Variants in CSMD2 observed in about 807,000 individuals in gnomAD.
The protein encoded by CSMD2 is CUB and sushi domain-containing protein 2.
Under a neutral mutation model 398.5 loss-of-function variants are expected in CSMD2, and 130 were observed. That is an observed-to-expected ratio of 0.33 (90% confidence interval 0.28 to 0.38). The LOEUF (loss-of-function observed/expected upper bound fraction) is 0.38. CSMD2 is among the 10% of genes least tolerant of loss of function. The pLI is 1.00. For missense variants in CSMD2, 3,829 were observed against 4,764.9 expected, an observed-to-expected ratio of 0.80 and a Z score of 5.78; for synonymous variants, 1,828 against 1,908.5, an observed-to-expected ratio of 0.96 and a Z score of 1.10.
At chr1:33,745,406 T>C (rs1010906598) in intron 13 of CSMD2, among the ~76,000 whole-genome samples, 4 of 152,340 alleles carry the variant, frequency 2.6e-5, no homozygotes, top group South Asian at 2.1e-4. Flanking sequence ...AACATTTAAG[T>C]CCATTTATAA....
chr1:33,612,928 G>GTGCT (rs1256740052), intron 40 of CSMD2, among the ~76,000 whole-genome samples: 1 of 152,232 alleles, frequency 6.6e-6, no homozygotes, highest in Non-Finnish European at 1.5e-5. Flanking sequence ...TGAGGAGCCT[G>GTGCT]TGCTTTCCAT....
At chr1:33,588,454 G>T (rs1370824170) in intron 44 of CSMD2, among the ~76,000 whole-genome samples, 1 of 151,854 alleles carries the variant, frequency 6.6e-6, no homozygotes, top group Non-Finnish European at 1.5e-5. Context: ...GATATCTCCT[G>T]CTGAATGTCA....
intron 50 of CSMD2, 122 bp downstream of exon 50, chr1:33,572,384 T>C: frequency 1.2e-6 from 1 of 865,740 alleles, no homozygotes; most frequent in South Asian, 2.4e-5. Context: ...CCAACCTCCA[T>C]GTCCATGTTT....
chr1:33,840,807 C>A (rs1227823891), intron 6 of CSMD2, among the ~76,000 whole-genome samples: 1 of 152,130 alleles, frequency 6.6e-6, no homozygotes, highest in Non-Finnish European at 1.5e-5. Context: ...TTGCAGAGAC[C>A]TTTGGAGGTG....
chr1:33,908,854 C>A (rs1215624294), intron 5 of CSMD2, among the ~76,000 whole-genome samples: 1 of 152,160 alleles, frequency 6.6e-6, no homozygotes, highest in Non-Finnish European at 1.5e-5. Context: ...CCAAGAGATA[C>A]AGGAGACGAG....
At chr1:33,660,165 G>C (rs2148992694) in intron 26 of CSMD2, among the ~76,000 whole-genome samples, 1 of 152,314 alleles carries the variant, frequency 6.6e-6, no homozygotes, top group South Asian at 2.1e-4. Context: ...CTATTAACTA[G>C]ATGACCTTGT....
chr1:33,792,305 T>C (rs1340294878), intron 11 of CSMD2, 118 bp downstream of exon 11: 1 of 736,690 alleles, frequency 1.4e-6, no homozygotes, highest in Non-Finnish European at 2.5e-6. Context: ...CTAGGAACAT[T>C]GCAGGATACT....
chr1:34,155,513 G>T (rs1640732656), intron 1 of CSMD2, among the ~76,000 whole-genome samples: 1 of 152,174 alleles, frequency 6.6e-6, no homozygotes, highest in Non-Finnish European at 1.5e-5. Context: ...TTGGGGAAAA[G>T]GCTGTGACCA....
At chr1:34,132,722 C>T (rs1663490276) in intron 1 of CSMD2, among the ~76,000 whole-genome samples, 1 of 152,132 alleles carries the variant, frequency 6.6e-6, no homozygotes, top group Non-Finnish European at 1.5e-5. Flanking sequence ...TGGGATATTC[C>T]CCTGCCATAA....
chr1:33,794,676 A>G (rs1384042234), intron 10 of CSMD2, among the ~76,000 whole-genome samples: 3 of 152,244 alleles, frequency 2.0e-5, no homozygotes, highest in Non-Finnish European at 4.4e-5. Context: ...TAAAGGCATG[A>G]CATGAGATTT....
chr1:33,658,061 G>T lies in CSMD2; in HGVS notation c.4332C>A (p.Gly1444=). 1.9e-6 allele frequency: 3 copies of T among 1,614,158 alleles called. No individual in the cohort carries two copies. Among genetic ancestry groups the T allele is most frequent in the Non-Finnish European group, 2.5e-6 (3 of 1,180,006 alleles). The change falls in exon 27 of 71, where the codon GGC becomes GGA. Residue 1444 remains glycine, a synonymous_variant. Transcript: ENST00000373381. The stretch of plus-strand genomic sequence containing the variant: ...GGTCACACTGGAACACTGTGGAGTC[G>T]CCGGCTTCCCAACTGTCACCACTCC... ...GSRSGDSWEA[G]DSTVFQCDPG... is the part of the protein sequence containing the mutation.
intron 15 of CSMD2, among the ~76,000 whole-genome samples, chr1:33,729,499 C>CT (rs1367033771): frequency 5.9e-5 from 8 of 134,856 alleles, no homozygotes; most frequent in Non-Finnish European, 1.1e-4. Context: ...TATTATTATA[C>CT]TTTAAGTTTT....
At chr1:33,930,438 T>C (rs1159302461) in intron 4 of CSMD2, among the ~76,000 whole-genome samples, 12 of 152,200 alleles carry the variant, frequency 7.9e-5, no homozygotes, top group African/African-American at 2.7e-4. Context: ...AAATTTGGAA[T>C]ACAGCTCAGC....
intron 3 of CSMD2, among the ~76,000 whole-genome samples, chr1:33,966,991 T>C (rs956734311): frequency 2.6e-5 from 4 of 152,166 alleles, no homozygotes; most frequent in Non-Finnish European, 5.9e-5. Context: ...GTTTAAACAT[T>C]TCGCAAACGT....
chr1:33,623,600 C>T (rs994067001), intron 35 of CSMD2, 134 bp from the exon 36 acceptor site: 11 of 645,094 alleles, frequency 1.7e-5, no homozygotes, highest in African/African-American at 1.5e-4. Context: ...CTGTGCTAGT[C>T]CCTTTCAATA....
At chr1:34,153,790 C>G (rs145205080) in intron 1 of CSMD2, among the ~76,000 whole-genome samples, 1 of 152,180 alleles carries the variant, frequency 6.6e-6, no homozygotes, top group African/African-American at 2.4e-5. Flanking sequence ...ATACAGAGAG[C>G]CAGCCCTGCA....
chr1:33,785,389 C>G (rs1653403117), intron 12 of CSMD2, among the ~76,000 whole-genome samples: 1 of 152,178 alleles, frequency 6.6e-6, no homozygotes, highest in South Asian at 2.1e-4. Flanking sequence ...GCTTCTGGTG[C>G]AAGGGGAAAA....
chr1:33,532,535 T>C (rs1655335083), intron 64 of CSMD2, among the ~76,000 whole-genome samples: 1 of 152,190 alleles, frequency 6.6e-6, no homozygotes. Flanking sequence ...TTCCTCCAAG[T>C]ACTCCAAATA....
At chr1:33,722,580 T>C (rs1382211520) in intron 19 of CSMD2, among the ~76,000 whole-genome samples, 1 of 152,228 alleles carries the variant, frequency 6.6e-6, no homozygotes, top group Non-Finnish European at 1.5e-5. Context: ...CTTTATAGCT[T>C]TGCTCATTTT....
Sources: allele counts gnomAD v4.1 joint callset (sites outside exome capture counted in the v4.1 genomes callset), GRCh38; gene constraint gnomAD v4.1.1; transcripts MANE v1.5; gene names NCBI Gene and HGNC (gene_info 2026-07-23, HGNC 2026-07-21).